Variants in INVS observed in about 807,000 individuals in gnomAD.
The protein encoded by INVS is inversion of embryo turning homolog.
INVS carries 86 observed loss-of-function variants against 108.8 expected under a neutral mutation model. That is an observed-to-expected ratio of 0.79 (90% CI 0.66 to 0.95). INVS has a LOEUF of 0.95. Among genes scored for constraint, INVS ranks in the 40% least tolerant of loss-of-function variants. The pLI is 0.00. For missense variants in INVS, 1,169 were observed against 1,297.4 expected (o/e 0.90, Z 1.52); for synonymous variants, 455 against 473.5 (o/e 0.96, Z 0.51).
chr9:100,280,683 G>A (rs1833247758), intron 12 of INVS, among the ~76,000 whole-genome samples: 1 of 151,736 alleles, frequency 6.6e-6, no homozygotes, highest in Non-Finnish European at 1.5e-5. Context: ...TTATAACATA[G>A]CACACCTTAA....
At chr9:100,113,209 G>A (rs1423096122) in intron 2 of INVS, among the ~76,000 whole-genome samples, 1 of 152,190 alleles carries the variant, frequency 6.6e-6, no homozygotes. Context: ...GAAGGCTCTA[G>A]TACAAAGAAT....
rs548075876 is a variant in INVS at position 100,265,600 on chromosome 9, G to A, written c.1571+672G>A. Reference sequence around the variant, plus strand: ...AGCGGAATGTGTTATATATTCCAGAGATTTCTCTTGATGAAGAGGATATTA... The same window carrying A: ...AGCGGAATGTGTTATATATTCCAGAAATTTCTCTTGATGAAGAGGATATTA... On this transcript the variant is annotated intron_variant, in intron 11 of 16. Coordinates refer to ENST00000262457, the MANE Select transcript of INVS (RefSeq NM_014425.5). Among the ~76,000 whole-genome samples, 201 of 152,330 alleles carry A rather than the reference G, an allele frequency of 1.3e-3. 2 individuals are homozygous for A. Among genetic ancestry groups the A allele is most frequent in the Non-Finnish European group, 2.3e-3 (155 of 68,030 alleles).
intron 3 of INVS, among the ~76,000 whole-genome samples, chr9:100,187,017 C>T (rs1830073746): frequency 6.6e-6 from 1 of 152,024 alleles, no homozygotes; most frequent in South Asian, 2.1e-4. Flanking sequence ...ATTCATCCAT[C>T]TTGAGTTGAT....
At chr9:100,122,672 C>T (rs1827763199) in intron 2 of INVS, among the ~76,000 whole-genome samples, 1 of 139,536 alleles carries the variant, frequency 7.2e-6, no homozygotes, top group South Asian at 2.3e-4. Flanking sequence ...CAAGCTCCGT[C>T]TCCCGGGTTC....
chr9:100,284,252 T>C, intron 12 of INVS, 68 bp from the exon 13 acceptor site: 1 of 1,582,934 alleles, frequency 6.3e-7, no homozygotes, highest in Non-Finnish European at 8.6e-7. Flanking sequence ...AAATTTAAAC[T>C]CACACAGAGA....
rs1833665476 is a variant in INVS, at chr9:100,292,779, C to G, written c.2522C>G (p.Thr841Arg). The stretch of plus-strand genomic sequence containing the variant: ...AACAAAGTGACACAAGCCAAGCTCA[C>G]AGGAGGGCTCTATTCACATTTGCCA... ...PRNKVTQAKLTGGLYSHLPQS... is the reference protein window; with the variant it reads ...PRNKVTQAKLRGGLYSHLPQS... The change falls in exon 14 of 17, where the codon ACA becomes AGA. Residue 841 changes from threonine to arginine, a missense_variant. Transcript: ENST00000262457. 6.2e-7 allele frequency: 1 copy of G among 1,614,134 alleles called. No homozygotes were observed. The highest frequency in any genetic ancestry group is 1.3e-5 in the African/African-American group (1 of 75,028).
rs542674066 is a variant in INVS at position 100,289,372 on chromosome 9, C to T, written c.2069-2954C>T. 2.6e-5 allele frequency among the ~76,000 whole-genome samples: 4 copies of T among 152,308 alleles called. No homozygotes were observed. The South Asian group carries it at 8.3e-4, about 32-fold the overall frequency. On this transcript the variant is annotated intron_variant, in intron 13 of 16. Coordinates refer to ENST00000262457, the MANE Select transcript of INVS (RefSeq NM_014425.5). ...CTCACCAACCAGTCCAAAGTCAATA[C>T]CCTGGGTTTTGTATTTTAAGACAGT...
At chr9:100,288,470 A>AT (rs893229683) in intron 13 of INVS, among the ~76,000 whole-genome samples, 115 of 152,130 alleles carry the variant, frequency 7.6e-4, no homozygotes, top group African/African-American at 2.7e-3. Context: ...CACATCCATT[A>AT]TTTTTCAAAC....
At chr9:100,117,271 G>T (rs980698583) in intron 2 of INVS, 9 of 746,340 alleles carry the variant, frequency 1.2e-5, no homozygotes, top group Non-Finnish European at 1.9e-5. Context: ...TGAACCTGGT[G>T]CTCTGGCCAG....
rs767512938 is a variant in INVS at position 100,209,652 on chromosome 9, C to T, written c.274-16410C>T. Among the ~76,000 whole-genome samples, 19 of 151,674 alleles carry T rather than the reference C, an allele frequency of 1.3e-4. 1 individual carries two copies. The highest frequency in any genetic ancestry group is 6.6e-4 in the Admixed American group (10 of 15,212). On this transcript the variant is annotated intron_variant, in intron 3 of 16. Coordinates refer to ENST00000262457, the MANE Select transcript of INVS (RefSeq NM_014425.5). ...GGGCGTGGTGGTGGGCGCCTGTAGTCCCAGCTACTCAGGAGGCTGAGGCAG... is the reference window on the plus strand; with the variant it reads ...GGGCGTGGTGGTGGGCGCCTGTAGTTCCAGCTACTCAGGAGGCTGAGGCAG...
At chr9:100,185,220 GATT>G (rs57810186) in intron 3 of INVS, among the ~76,000 whole-genome samples, 29,101 of 151,442 alleles carry the variant, frequency 0.19, 4,423 homozygotes, top group African/African-American at 0.43. Flanking sequence ...ATTTTTTAAT[GATT>G]ATTATTATTG....
At chr9:100,146,211 G>T (rs1828608237) in intron 3 of INVS, among the ~76,000 whole-genome samples, 1 of 152,190 alleles carries the variant, frequency 6.6e-6, no homozygotes, top group East Asian at 1.9e-4. Flanking sequence ...AGTCTGAAAA[G>T]AGAGTCAGTG....
chr9:100,282,223 G>C (rs984676349), intron 12 of INVS, among the ~76,000 whole-genome samples: 3 of 152,148 alleles, frequency 2.0e-5, no homozygotes, highest in Non-Finnish European at 4.4e-5. Flanking sequence ...CCTTGTCCCA[G>C]AGAGATCACA....
rs960746121 is a variant in INVS, at chr9:100,099,251, G to C, written c.-190G>C. The C allele has an allele frequency of 2.5e-5, 4 of 162,944 alleles. No individual in the cohort carries two copies. The highest frequency in any genetic ancestry group is 9.6e-5 in the African/African-American group (4 of 41,640). The allele number at this position is 162,944 out of a possible 1,614,324, so 10.1% of individuals were successfully genotyped here. Reference sequence around the variant, plus strand: ...TGGGAACTACAATTCCCAGAAGGATGTGCGGCCGAAAGCCTCGGGCGGCCT... The same window carrying C: ...TGGGAACTACAATTCCCAGAAGGATCTGCGGCCGAAAGCCTCGGGCGGCCT... On this transcript the variant is annotated 5_prime_UTR_variant, in exon 1 of 17. An upstream start codon of the reference 5' UTR is lost. Coordinates refer to ENST00000262457, the MANE Select transcript of INVS (RefSeq NM_014425.5).
intron 3 of INVS, among the ~76,000 whole-genome samples, chr9:100,202,483 T>A (rs553651170): frequency 1.3e-5 from 2 of 152,206 alleles, no homozygotes; most frequent in African/African-American, 4.8e-5. Flanking sequence ...CAGAAGAGAA[T>A]GATAGAGTTT....
At chr9:100,163,469 A>G (rs940717908) in intron 3 of INVS, among the ~76,000 whole-genome samples, 3 of 152,202 alleles carry the variant, frequency 2.0e-5, no homozygotes, top group African/African-American at 7.2e-5. Context: ...TATATGTGGG[A>G]TATAGCAGTG....
At chr9:100,274,203 C>T (rs1267161017) in intron 12 of INVS, among the ~76,000 whole-genome samples, 1 of 151,900 alleles carries the variant, frequency 6.6e-6, no homozygotes, top group Non-Finnish European at 1.5e-5. Context: ...ACTAAAAATA[C>T]AAAAATTAGC....
At chr9:100,264,689 T>C (rs1334623595) in intron 10 of INVS, 133 bp from the exon 11 acceptor site, 7 of 697,526 alleles carry the variant, frequency 1.0e-5, no homozygotes, top group Middle Eastern at 2.5e-4. Flanking sequence ...CCACTGTATA[T>C]TTAATATTTT....
intron 16 of INVS, among the ~76,000 whole-genome samples, chr9:100,299,635 GACACACACACACACACACACACACAC>G (rs10530240): frequency 0.49 from 64,519 of 132,502 alleles, 16,385 homozygotes; most frequent in East Asian, 0.88. Context: ...GCCTTTTATT[GACACACACACACACACACACACACAC>G]ACACACACAC....
Sources: allele counts gnomAD v4.1 joint callset (sites outside exome capture counted in the v4.1 genomes callset), GRCh38; gene constraint gnomAD v4.1.1; transcripts MANE v1.5; gene names NCBI Gene and HGNC (gene_info 2026-07-23, HGNC 2026-07-21).